The following CELF4 variants were observed in gnomAD, a reference collection of about 807,000 sequenced individuals.
CELF4 encodes CUGBP Elav-like family member 4.
Under a neutral mutation model 59.9 loss-of-function variants are expected in CELF4, and 18 were observed. The observed-to-expected ratio is 0.30, with a 90% CI of 0.21 to 0.45. CELF4 has a LOEUF of 0.45. CELF4 is among the 20% of genes least tolerant of loss of function. The pLI, the probability that CELF4 is intolerant of heterozygous loss-of-function variation, is 1.00. For synonymous variants in CELF4, 261 were observed against 267.1 expected (o/e 0.98, Z 0.22); for missense variants, 456 against 689.0 (o/e 0.66, Z 3.79).
intron 2 of CELF4, among the ~76,000 whole-genome samples, chr18:37,334,751 C>T (rs772029296): frequency 9.2e-5 from 14 of 151,852 alleles, no homozygotes; most frequent in Non-Finnish European, 1.8e-4. Flanking sequence ...TTTCTCTCTC[C>T]TGTGGCTCCC....
chr18:37,262,103 A>ATT (rs2074954648), intron 10 of CELF4, among the ~76,000 whole-genome samples: 2 of 151,886 alleles, frequency 1.3e-5, no homozygotes, highest in South Asian at 4.2e-4. Flanking sequence ...CCCTGCCTGG[A>ATT]CCTCCTGCCT....
chr18:37,395,922 G>A (rs1041834790), intron 2 of CELF4, among the ~76,000 whole-genome samples: 12 of 152,118 alleles, frequency 7.9e-5, no homozygotes, highest in African/African-American at 1.2e-4. Flanking sequence ...TCTAACTCCC[G>A]TGCTCTAAGC....
At chr18:37,419,160 A>C (rs1290625120) in intron 2 of CELF4, among the ~76,000 whole-genome samples, 1 of 152,206 alleles carries the variant, frequency 6.6e-6, no homozygotes, top group Non-Finnish European at 1.5e-5. Context: ...AGCACCCAGA[A>C]GGGGCTAAGT....
chr18:37,494,622 G>A (rs1040527249), intron 1 of CELF4, among the ~76,000 whole-genome samples: 5 of 152,184 alleles, frequency 3.3e-5, no homozygotes, highest in African/African-American at 7.2e-5. Context: ...GCATAGGCTC[G>A]GGATGGGGTG....
intron 2 of CELF4, among the ~76,000 whole-genome samples, chr18:37,466,098 G>A (rs541568743): frequency 6.6e-6 from 1 of 152,324 alleles, no homozygotes; most frequent in East Asian, 1.9e-4. Context: ...CTCCACAAGG[G>A]GCCAGCTAAG....
At chr18:37,315,545 A>C (rs1478999863) in intron 3 of CELF4, among the ~76,000 whole-genome samples, 1 of 152,014 alleles carries the variant, frequency 6.6e-6, no homozygotes, top group African/African-American at 2.4e-5. Context: ...TAACCATCAC[A>C]CTGGGGTTTA....
At position 37,254,264 on chromosome 18, in the gene CELF4, G is replaced by C. The variant is rs969427118; in HGVS notation, c.1334-326C>G. Reference sequence around the variant, plus strand: ...CCCGCCCCCCACCCCCGCCGGCCCCGGCACCTCAGCCCTCGCCTCGGCGGG... The same window carrying C: ...CCCGCCCCCCACCCCCGCCGGCCCCCGCACCTCAGCCCTCGCCTCGGCGGG... On this transcript the variant is annotated intron_variant, in intron 11 of 12. Coordinates refer to ENST00000420428, the MANE Select transcript of CELF4 (RefSeq NM_020180.4). The surrounding 1 kb of genome is among the most constrained non-coding windows in gnomAD (Gnocchi z 5.1). Among the ~76,000 whole-genome samples, 2 of 151,100 alleles carry C rather than the reference G, an allele frequency of 1.3e-5. No individual in the cohort carries two copies. The highest frequency in any genetic ancestry group is 3.0e-5 in the Non-Finnish European group (2 of 67,686).
chr18:37,493,878 G>A lies in CELF4; in HGVS notation c.287-8271C>T, dbSNP rs552942193. Reference sequence around the variant, plus strand: ...AAGAACATGGCCCATTCTAGAGTGCGAATGAGTTTTGTTGAGTTAAACTCC... The same window carrying A: ...AAGAACATGGCCCATTCTAGAGTGCAAATGAGTTTTGTTGAGTTAAACTCC... On this transcript the variant is annotated intron_variant, in intron 1 of 12. Coordinates refer to ENST00000420428, the MANE Select transcript of CELF4 (RefSeq NM_020180.4). Among the ~76,000 whole-genome samples the A allele has an allele frequency of 3.9e-5, 6 of 152,274 alleles. No individual in the cohort carries two copies. In the South Asian group the frequency reaches 6.2e-4, roughly 16 times the overall value.
chr18:37,384,465 A>G (rs1054360062), intron 2 of CELF4, among the ~76,000 whole-genome samples: 1 of 152,010 alleles, frequency 6.6e-6, no homozygotes, highest in Non-Finnish European at 1.5e-5. Flanking sequence ...TGGCTTGTCC[A>G]GACAGGGGCG....
chr18:37,313,961 A>G (rs928128741), intron 3 of CELF4, among the ~76,000 whole-genome samples: 2 of 152,204 alleles, frequency 1.3e-5, no homozygotes, highest in Non-Finnish European at 2.9e-5. Flanking sequence ...GACCCTGTGA[A>G]GTATGCTGGG....
chr18:37,512,817 G>A (rs1244873008), intron 1 of CELF4, among the ~76,000 whole-genome samples: 2 of 146,022 alleles, frequency 1.4e-5, no homozygotes, highest in Non-Finnish European at 1.5e-5. Flanking sequence ...TTCTCCTCTT[G>A]TTCTTCTTCC....
At chr18:37,538,103 G>C (rs2099975056) in intron 1 of CELF4, among the ~76,000 whole-genome samples, 1 of 152,256 alleles carries the variant, frequency 6.6e-6, no homozygotes, top group Non-Finnish European at 1.5e-5. Flanking sequence ...CGCCGCATCG[G>C]GCGGACCTTC....
At chr18:37,273,294 G>T in intron 6 of CELF4, 131 bp from the exon 7 acceptor site, 25 of 1,442,078 alleles carry the variant, frequency 1.7e-5, no homozygotes, top group Non-Finnish European at 2.3e-5. Context: ...ACTCCAGAAA[G>T]CCCTGATGCC....
At chr18:37,421,151 C>T (rs1283987447) in intron 2 of CELF4, among the ~76,000 whole-genome samples, 1 of 152,228 alleles carries the variant, frequency 6.6e-6, no homozygotes, top group Non-Finnish European at 1.5e-5. Flanking sequence ...TGCCAAGTGT[C>T]TCACAGTTCC....
At chr18:37,311,624 C>T (rs1459319966) in intron 3 of CELF4, among the ~76,000 whole-genome samples, 1 of 151,476 alleles carries the variant, frequency 6.6e-6, no homozygotes, top group Non-Finnish European at 1.5e-5. Flanking sequence ...CCCGTCTCTA[C>T]TAAAAATACA....
chr18:37,417,842 C>T (rs891745310), intron 2 of CELF4, among the ~76,000 whole-genome samples: 5 of 152,240 alleles, frequency 3.3e-5, no homozygotes, highest in African/African-American at 1.2e-4. Context: ...AAAGACCATT[C>T]AGAGCCAAGA....
At chr18:37,488,983 C>G (rs2099889920) in intron 1 of CELF4, among the ~76,000 whole-genome samples, 1 of 152,194 alleles carries the variant, frequency 6.6e-6, no homozygotes, top group South Asian at 2.1e-4. Flanking sequence ...TGAGTATGAA[C>G]AGCCTCTACA....
chr18:37,367,913 C>T (rs982128650), intron 2 of CELF4, among the ~76,000 whole-genome samples: 3 of 152,110 alleles, frequency 2.0e-5, no homozygotes, highest in Admixed American at 6.6e-5. Flanking sequence ...AATTGTTTGG[C>T]TGTGTTAACA....
intron 2 of CELF4, among the ~76,000 whole-genome samples, chr18:37,339,599 C>A (rs927525357): frequency 4.6e-5 from 7 of 152,126 alleles, no homozygotes; most frequent in African/African-American, 1.7e-4. Context: ...ACTAAAAATA[C>A]AAAACATAAC....
Sources: gnomAD v4.1 joint callset for allele counts (sites outside exome capture counted in the v4.1 genomes callset) on GRCh38, gnomAD v4.1.1 for gene constraint, Gnocchi (gnomAD v3.1) non-coding constraint, MANE v1.5 for transcripts, NCBI Gene and HGNC (gene_info 2026-07-23, HGNC 2026-07-21) for gene names.